Variants in SPOCK3 observed in about 807,000 individuals in gnomAD.
The protein encoded by SPOCK3 is SPARC (osteonectin), cwcv and kazal like domains proteoglycan 3.
SPOCK3 carries 30 observed loss-of-function variants against 56.6 expected under a neutral mutation model. That is an observed-to-expected ratio of 0.53 (90% CI 0.40 to 0.72). SPOCK3 has a LOEUF of 0.72. Among genes scored for constraint, SPOCK3 ranks in the 30% least tolerant of loss-of-function variants. The pLI is 0.00. For missense variants in SPOCK3, 527 were observed against 530.0 expected, an observed-to-expected ratio of 0.99 and a Z score of 0.06; for synonymous variants, 196 against 183.3, an observed-to-expected ratio of 1.07 and a Z score of -0.56.
chr4:166,902,598 TATA>T (rs1237601585), intron 5 of SPOCK3, among the ~76,000 whole-genome samples: 1 of 151,600 alleles, frequency 6.6e-6, no homozygotes, highest in Non-Finnish European at 1.5e-5. Context: ...ATATGATATA[TATA>T]ATATTTGCAT....
intron 3 of SPOCK3, among the ~76,000 whole-genome samples, chr4:167,029,121 C>T (rs1317305801): frequency 6.6e-6 from 1 of 151,934 alleles, no homozygotes; most frequent in Non-Finnish European, 1.5e-5. Flanking sequence ...GCCATGAGTC[C>T]ATGTATTCTC....
intron 6 of SPOCK3, among the ~76,000 whole-genome samples, chr4:166,799,003 G>C (rs1282186907): frequency 1.3e-5 from 2 of 152,058 alleles, no homozygotes; most frequent in Non-Finnish European, 2.9e-5. Flanking sequence ...CCCTAAGAAC[G>C]CCAATTTAAT....
At chr4:166,943,614 A>C (rs1419158893) in intron 4 of SPOCK3, among the ~76,000 whole-genome samples, 1 of 152,182 alleles carries the variant, frequency 6.6e-6, no homozygotes. Context: ...TGTTTAAGGA[A>C]AACTGAAAAG....
At chr4:166,852,089 T>C (rs1026708491) in intron 6 of SPOCK3, among the ~76,000 whole-genome samples, 7 of 151,040 alleles carry the variant, frequency 4.6e-5, no homozygotes, top group African/African-American at 1.7e-4. Flanking sequence ...TAGGTGGGAA[T>C]TGAACAATGA....
chr4:167,221,318 T>C (rs756908157), intron 2 of SPOCK3, among the ~76,000 whole-genome samples: 4 of 152,076 alleles, frequency 2.6e-5, no homozygotes, highest in African/African-American at 9.7e-5. Flanking sequence ...CAGTGAGCTA[T>C]GATGACACCA....
At chr4:166,951,005 C>G (rs1742538139) in intron 4 of SPOCK3, among the ~76,000 whole-genome samples, 1 of 128,920 alleles carries the variant, frequency 7.8e-6, no homozygotes, top group East Asian at 2.2e-4. Flanking sequence ...AATTGACACC[C>G]TAACATCACA....
In SPOCK3 at chr4:167,211,193, T is replaced by C. The variant is rs193239853; in HGVS notation, c.189+22792A>G. 2.6e-4 allele frequency among the ~76,000 whole-genome samples: 39 copies of C among 152,280 alleles called. No homozygotes were observed. In the East Asian group the frequency reaches 5.8e-3, roughly 23 times the overall value. ...GACTTGCGTGCGGCCTGTAGCCCCTTTGTTTTGGCCAATTTCTCCCATTTG... is the reference window on the plus strand; with the variant it reads ...GACTTGCGTGCGGCCTGTAGCCCCTCTGTTTTGGCCAATTTCTCCCATTTG... On this transcript the variant is annotated intron_variant, in intron 2 of 10. Transcript: ENST00000357545.
chr4:166,786,322 G>A (rs1740724235), intron 7 of SPOCK3, among the ~76,000 whole-genome samples: 1 of 152,128 alleles, frequency 6.6e-6, no homozygotes, highest in South Asian at 2.1e-4. Context: ...AAGTCAGCAG[G>A]CAATGGTTAG....
intron 2 of SPOCK3, among the ~76,000 whole-genome samples, chr4:167,130,704 G>A (rs901505027): frequency 6.6e-6 from 1 of 151,966 alleles, no homozygotes; most frequent in African/African-American, 2.4e-5. Context: ...ACATTTACAA[G>A]GTATGACTAA....
chr4:166,840,468 G>A (rs1269092722), intron 6 of SPOCK3, among the ~76,000 whole-genome samples: 1 of 152,126 alleles, frequency 6.6e-6, no homozygotes, highest in Non-Finnish European at 1.5e-5. Context: ...AAGAGAAAAG[G>A]GTTTAGTTGG....
chr4:166,879,065 G>A (rs550681012), intron 6 of SPOCK3, among the ~76,000 whole-genome samples: 22 of 152,198 alleles, frequency 1.4e-4, no homozygotes, highest in African/African-American at 5.1e-4. Context: ...CCAAAATTTA[G>A]AAAAGTGACA....
intron 4 of SPOCK3, among the ~76,000 whole-genome samples, chr4:166,923,726 CA>C (rs1403706912): frequency 6.6e-6 from 1 of 152,140 alleles, no homozygotes; most frequent in Non-Finnish European, 1.5e-5. Context: ...CAGTAAAGAC[CA>C]ACTGTAGGTT....
intron 2 of SPOCK3, among the ~76,000 whole-genome samples, chr4:167,202,724 G>A (rs978116108): frequency 9.9e-5 from 15 of 151,048 alleles, no homozygotes; most frequent in African/African-American, 3.6e-4. Context: ...TTTGATAAAT[G>A]AACTGTTCCC....
intron 2 of SPOCK3, among the ~76,000 whole-genome samples, chr4:167,159,658 T>C (rs1365012012): frequency 4.6e-4 from 70 of 152,138 alleles, no homozygotes; most frequent in Non-Finnish European, 1.3e-4. Flanking sequence ...AATGGCAAAC[T>C]GAATCCAGCA....
chr4:167,161,428 C>G (rs149973026), intron 2 of SPOCK3, among the ~76,000 whole-genome samples: 7,487 of 152,104 alleles, frequency 0.049, 216 homozygotes, highest in South Asian at 0.076. Flanking sequence ...AAGAACACTT[C>G]GACACTGTTG....
intron 6 of SPOCK3, among the ~76,000 whole-genome samples, chr4:166,869,584 T>C (rs2126939873): frequency 6.6e-6 from 1 of 151,762 alleles, no homozygotes; most frequent in African/African-American, 2.4e-5. Context: ...CAGTACATTA[T>C]GTAATTATAA....
intron 6 of SPOCK3, among the ~76,000 whole-genome samples, chr4:166,882,622 T>G (rs1338211438): frequency 6.6e-6 from 1 of 152,212 alleles, no homozygotes; most frequent in Non-Finnish European, 1.5e-5. Flanking sequence ...TTTTTCACTT[T>G]TATATCTGAT....
chr4:166,958,123 G>A (rs533275114), intron 4 of SPOCK3, among the ~76,000 whole-genome samples: 1 of 152,238 alleles, frequency 6.6e-6, no homozygotes, highest in African/African-American at 2.4e-5. Flanking sequence ...CCATGGGGGT[G>A]GATTTCTCAT....
At chr4:166,983,217 T>A (rs1368177323) in intron 4 of SPOCK3, among the ~76,000 whole-genome samples, 1 of 152,162 alleles carries the variant, frequency 6.6e-6, no homozygotes, top group Non-Finnish European at 1.5e-5. Context: ...TTTTGCTTTT[T>A]TCTTCTCTGC....
Sources: gnomAD v4.1 joint callset for allele counts (sites outside exome capture counted in the v4.1 genomes callset) on GRCh38, gnomAD v4.1.1 for gene constraint, MANE v1.5 for transcripts, NCBI Gene and HGNC (gene_info 2026-07-23, HGNC 2026-07-21) for gene names.